ZMYM4: variants seen among roughly 807,000 people sequenced by gnomAD.
ZMYM4 encodes zinc finger MYM-type protein 4.
Under a neutral mutation model 183.2 loss-of-function variants are expected in ZMYM4, and 31 were observed. That is an observed-to-expected ratio of 0.17 (90% confidence interval 0.13 to 0.23). The LOEUF is 0.23. Among genes scored for constraint, ZMYM4 ranks in the 10% least tolerant of loss-of-function variants. The pLI, the probability that ZMYM4 is intolerant of heterozygous loss-of-function variation, is 1.00. For missense variants in ZMYM4, 1,273 were observed against 1,840.3 expected, an observed-to-expected ratio of 0.69 and a Z score of 5.64; for synonymous variants, 592 against 631.2, an observed-to-expected ratio of 0.94 and a Z score of 0.93.
intron 1 of ZMYM4, among the ~76,000 whole-genome samples, chr1:35,280,290 C>G (rs1470993376): frequency 1.3e-5 from 2 of 148,746 alleles, no homozygotes; most frequent in African/African-American, 5.0e-5. Context: ...CCCTCTCTCT[C>G]TCTTCTTTCT....
Position 35,399,043 on chromosome 1 carries a change from G to T in ZMYM4, c.3433G>T (p.Asp1145Tyr). Residue 1145 changes from aspartate to tyrosine, a missense_variant and splice_region_variant, in exon 22 of 30, where the codon GAC (aspartate) becomes TAC (tyrosine). This residue lies in a region of ZMYM4 where 2 missense variants were observed against 16.0 expected (regional missense o/e 0.12). Coordinates refer to ENST00000314607, the MANE Select transcript of ZMYM4 (RefSeq NM_005095.3). The stretch of plus-strand genomic sequence containing the variant: ...GGACCTGGAAGCAGATTTTCCATCA[G>T]GTTTGTGTACAGTAACCTGTCCACT... The part of the protein sequence containing the change: ...EQDLEADFPS[D>Y]SFDPLNKGQG... 1.2e-6 allele frequency: 2 copies of T among 1,613,928 alleles called. No homozygotes were observed. Among genetic ancestry groups the T allele is most frequent in the Non-Finnish European group, 1.7e-6 (2 of 1,179,902 alleles).
chr1:35,357,130 T>A (rs1643850693), intron 2 of ZMYM4, among the ~76,000 whole-genome samples: 1 of 152,158 alleles, frequency 6.6e-6, no homozygotes, highest in Non-Finnish European at 1.5e-5. Flanking sequence ...CCTCAAACAA[T>A]CCTCTGGCCT....
chr1:35,399,424 C>G, intron 22 of ZMYM4, 58 bp from the exon 23 acceptor site: 1 of 1,473,508 alleles, frequency 6.8e-7, no homozygotes, highest in South Asian at 1.2e-5. Context: ...TAGTCTAAGT[C>G]TTTATTTAAA....
At chr1:35,320,772 C>A (rs1642247736) in intron 1 of ZMYM4, among the ~76,000 whole-genome samples, 1 of 152,178 alleles carries the variant, frequency 6.6e-6, no homozygotes, top group South Asian at 2.1e-4. Context: ...ATGAAAAAGT[C>A]CCACATATCT....
chr1:35,327,571 A>G (rs1296492775), intron 2 of ZMYM4, among the ~76,000 whole-genome samples: 1 of 152,220 alleles, frequency 6.6e-6, no homozygotes, highest in Non-Finnish European at 1.5e-5. Flanking sequence ...GTTATTTGAT[A>G]TTGAGAGGTA....
chr1:35,339,709 T>G (rs1643126242), intron 2 of ZMYM4, among the ~76,000 whole-genome samples: 1 of 152,188 alleles, frequency 6.6e-6, no homozygotes, highest in Non-Finnish European at 1.5e-5. Flanking sequence ...GTATATTATT[T>G]CCTAAAATCT....
chr1:35,300,947 T>C (rs1002566871), intron 1 of ZMYM4, among the ~76,000 whole-genome samples: 16 of 152,164 alleles, frequency 1.1e-4, no homozygotes, highest in African/African-American at 3.9e-4. Context: ...TAGCTTTTGA[T>C]TGAATGCTAG....
intron 1 of ZMYM4, among the ~76,000 whole-genome samples, chr1:35,283,326 CTT>C (rs201360397): frequency 3.3e-4 from 19 of 56,760 alleles, no homozygotes; most frequent in African/African-American, 5.7e-4. Flanking sequence ...GAAGTGGTAT[CTT>C]TTTTTTTTTT....
intron 2 of ZMYM4, among the ~76,000 whole-genome samples, chr1:35,355,475 A>G: frequency 6.6e-6 from 1 of 151,800 alleles, no homozygotes; most frequent in East Asian, 1.9e-4. Context: ...TATTTGTTTG[A>G]GCCCTTTGCT....
intron 1 of ZMYM4, among the ~76,000 whole-genome samples, chr1:35,289,726 G>C (rs1232356703): frequency 1.3e-5 from 2 of 152,100 alleles, no homozygotes; most frequent in Non-Finnish European, 2.9e-5. Context: ...GATGTCAATA[G>C]CACTGCCCCA....
chr1:35,421,856 C>G lies in ZMYM4; in HGVS notation c.*2179C>G, dbSNP rs1411788575. ...AAACATCTAAATCATCCTTTTTGTT[C>G]TTTTTCAGTTTTTAACCACTTTTAG... On this transcript the variant is annotated 3_prime_UTR_variant, in exon 30 of 30. Coordinates refer to ENST00000314607, the MANE Select transcript of ZMYM4 (RefSeq NM_005095.3). The G allele has an allele frequency of 6.6e-6, 1 of 151,940 alleles. No individual in the cohort carries two copies. Among genetic ancestry groups the G allele is most frequent in the African/African-American group, 2.4e-5 (1 of 41,388 alleles). 9.4% of individuals were successfully genotyped at this position (151,940 alleles called of 1,614,324 possible).
chr1:35,307,964 G>T (rs146572284), intron 1 of ZMYM4, among the ~76,000 whole-genome samples: 8,756 of 152,034 alleles, frequency 0.058, 613 homozygotes, highest in African/African-American at 0.16. Flanking sequence ...CAAGTAGCTG[G>T]GATTACAGGC....
At chr1:35,282,627 G>T (rs962929206) in intron 1 of ZMYM4, among the ~76,000 whole-genome samples, 6 of 152,176 alleles carry the variant, frequency 3.9e-5, no homozygotes, top group Non-Finnish European at 8.8e-5. Flanking sequence ...GTGATCATGG[G>T]TCAGTGCAGC....
chr1:35,396,951 C>A, intron 19 of ZMYM4: 1 of 612,342 alleles, frequency 1.6e-6, no homozygotes, highest in Non-Finnish European at 2.1e-6. Context: ...ATGTTGAAAT[C>A]CTGGATTCTA....
chr1:35,336,467 A>G (rs144486633), intron 2 of ZMYM4, among the ~76,000 whole-genome samples: 1,848 of 150,712 alleles, frequency 0.012, 35 homozygotes, highest in African/African-American at 0.042. Context: ...GCTCACTGCA[A>G]CCTCCACCTC....
chr1:35,314,477 GT>G (rs1181058333), intron 1 of ZMYM4, among the ~76,000 whole-genome samples: 1 of 150,982 alleles, frequency 6.6e-6, no homozygotes, highest in East Asian at 2.0e-4. Context: ...TAGAGACGGG[GT>G]TTCACCATGT....
At chr1:35,272,628 C>A (rs2148663800) in intron 1 of ZMYM4, among the ~76,000 whole-genome samples, 1 of 152,262 alleles carries the variant, frequency 6.6e-6, no homozygotes, top group Middle Eastern at 3.4e-3. Context: ...GTCCTTTACT[C>A]CCCAGAGTTC....
At chr1:35,325,227 GTT>G (rs1642456145) in intron 1 of ZMYM4, 131 bp from the exon 2 acceptor site, 1 of 725,178 alleles carries the variant, frequency 1.4e-6, no homozygotes, top group Non-Finnish European at 2.1e-6. Context: ...ATTTGGCAAT[GTT>G]TTTGTTTATA....
rs1487403645 is a variant in ZMYM4, at chr1:35,405,010, G to T, written c.3529-13G>T. ...TAAATTTTATGTTCTGTAAATTTTT[G>T]GAATTCTTACAGGGACGGAAGAAGT... is the stretch of plus-strand genomic sequence containing the variant. On this transcript the variant is annotated splice_polypyrimidine_tract_variant and intron_variant, in intron 23 of 29. Coordinates refer to ENST00000314607, the MANE Select transcript of ZMYM4 (RefSeq NM_005095.3). 3 of 1,555,474 alleles carry T rather than the reference G, an allele frequency of 1.9e-6. No individual in the cohort carries two copies. The highest frequency in any genetic ancestry group is 1.2e-5 in the South Asian group (1 of 81,178).
Sources: gnomAD v4.1 joint callset for allele counts (sites outside exome capture counted in the v4.1 genomes callset) on GRCh38, gnomAD v4.1.1 for gene constraint, gnomAD v4.1.1 regional missense constraint, MANE v1.5 for transcripts, NCBI Gene and HGNC (gene_info 2026-07-23, HGNC 2026-07-21) for gene names.